The following PTPRD variants were observed in gnomAD, a reference collection of about 807,000 sequenced individuals.
PTPRD encodes protein tyrosine phosphatase receptor type D.
PTPRD carries 34 observed loss-of-function variants against 214.5 expected under a neutral mutation model. The ratio of observed to expected loss-of-function variants is 0.16; its 90% CI spans 0.12 to 0.21. The LOEUF (loss-of-function observed/expected upper bound fraction) is 0.21. PTPRD is among the 10% of genes least tolerant of loss of function. PTPRD has a pLI of 1.00. For missense variants in PTPRD, 2,545 were observed against 2,398.7 expected (o/e 1.06, Z -1.27); for synonymous variants, 1,128 against 845.7 (o/e 1.33, Z -5.79).
chr9:9,216,059 T>C (rs375287554), intron 9 of PTPRD, among the ~76,000 whole-genome samples: 48 of 152,190 alleles, frequency 3.2e-4, no homozygotes, highest in Admixed American at 1.7e-3. Context: ...GCCTGCCTGA[T>C]TGGAATTTTG....
At chr9:9,736,436 T>C (rs1348708485) in intron 6 of PTPRD, among the ~76,000 whole-genome samples, 1 of 152,112 alleles carries the variant, frequency 6.6e-6, no homozygotes, top group Non-Finnish European at 1.5e-5. Flanking sequence ...CAATCCACTA[T>C]TGGCAGATAT....
intron 3 of PTPRD, among the ~76,000 whole-genome samples, chr9:10,323,797 G>C (rs1189701869): frequency 1.3e-5 from 2 of 151,918 alleles, no homozygotes; most frequent in Admixed American, 6.6e-5. Flanking sequence ...ATATTAATAA[G>C]TGTATTATTT....
chr9:10,022,658 G>GA lies in PTPRD; in HGVS notation c.-472+11059dup, dbSNP rs555265156. Among the ~76,000 whole-genome samples, 110 of 152,112 alleles carry GA rather than the reference G, an allele frequency of 7.2e-4. No homozygotes were observed. The Middle Eastern group carries it at 0.01, about 14-fold the overall frequency. On this transcript the variant is annotated intron_variant, in intron 4 of 45. Transcript: ENST00000381196. ...GTGAGTATTTCATTCTAAACTATAG[G>GA]AAAAAAATCATTAAATTAATTTATT...
At chr9:9,644,923 A>G (rs1218141378) in intron 7 of PTPRD, among the ~76,000 whole-genome samples, 1 of 152,200 alleles carries the variant, frequency 6.6e-6, no homozygotes, top group Non-Finnish European at 1.5e-5. Flanking sequence ...AAATCTCTGC[A>G]TCTTTCAAGT....
chr9:8,411,087 T>C (rs1453100328), intron 35 of PTPRD, among the ~76,000 whole-genome samples: 4 of 151,950 alleles, frequency 2.6e-5, no homozygotes, highest in African/African-American at 9.7e-5. Flanking sequence ...AAACCAAAAA[T>C]ACTTAATTCT....
chr9:8,405,052 T>G (rs150079886), intron 35 of PTPRD, among the ~76,000 whole-genome samples: 40 of 152,316 alleles, frequency 2.6e-4, no homozygotes, highest in African/African-American at 8.7e-4. Context: ...CTTTCCTATC[T>G]GGACCTAAGC....
intron 5 of PTPRD, among the ~76,000 whole-genome samples, chr9:9,800,392 T>C (rs1398793199): frequency 1.3e-5 from 2 of 152,132 alleles, no homozygotes; most frequent in Admixed American, 1.3e-4. Flanking sequence ...ATTTAATATT[T>C]CATAAATGTA....
intron 14 of PTPRD, among the ~76,000 whole-genome samples, chr9:8,539,519 A>C (rs2140137509): frequency 6.6e-6 from 1 of 152,044 alleles, no homozygotes; most frequent in East Asian, 1.9e-4. Flanking sequence ...ATAATAATAA[A>C]ATATGTAAAG....
At chr9:8,445,651 G>A (rs79074367) in intron 34 of PTPRD, among the ~76,000 whole-genome samples, 1 of 151,980 alleles carries the variant, frequency 6.6e-6, no homozygotes, top group Non-Finnish European at 1.5e-5. Context: ...TGTTTATCCT[G>A]AATCTAGTCC....
Position 9,387,136 on chromosome 9 carries a change from G to A in PTPRD, c.-203+10313C>T, listed in dbSNP as rs139212798. 5.3e-3 allele frequency among the ~76,000 whole-genome samples: 805 copies of A among 152,290 alleles called. 6 individuals carry two copies. Among genetic ancestry groups the A allele is most frequent in the African/African-American group, 0.018 (752 of 41,556 alleles). On this transcript the variant is annotated intron_variant, in intron 9 of 45. Transcript: ENST00000381196. ...AGGCTTACATTGGAATGAATTTTCTGCAACAGTAAATGGAACACAGTACTT... is the reference window on the plus strand; with the variant it reads ...AGGCTTACATTGGAATGAATTTTCTACAACAGTAAATGGAACACAGTACTT...
chr9:9,362,277 G>T (rs1049375074), intron 9 of PTPRD, among the ~76,000 whole-genome samples: 1 of 151,204 alleles, frequency 6.6e-6, no homozygotes, highest in African/African-American at 2.4e-5. Flanking sequence ...AGAAATAGTA[G>T]CAGATTCTCC....
At chr9:8,513,363 CATATT>C (rs2097719471) in intron 21 of PTPRD, among the ~76,000 whole-genome samples, 1 of 152,054 alleles carries the variant, frequency 6.6e-6, no homozygotes, top group African/African-American at 2.4e-5. Flanking sequence ...CTGTGTGACT[CATATT>C]AGATCAAATC....
At chr9:10,416,193 A>C (rs1056060879) in intron 2 of PTPRD, among the ~76,000 whole-genome samples, 103 of 151,536 alleles carry the variant, frequency 6.8e-4, no homozygotes, top group Admixed American at 6.3e-3. Flanking sequence ...ACTAAAAAAA[A>C]AAAAATTAGA....
intron 8 of PTPRD, among the ~76,000 whole-genome samples, chr9:9,465,434 G>C (rs2094057492): frequency 6.6e-6 from 1 of 152,168 alleles, no homozygotes; most frequent in Non-Finnish European, 1.5e-5. Flanking sequence ...CTGATTGTTT[G>C]AGTCAGAGGA....
chr9:9,602,717 C>G (rs1013156819), intron 7 of PTPRD, among the ~76,000 whole-genome samples: 2 of 151,954 alleles, frequency 1.3e-5, no homozygotes, highest in Non-Finnish European at 2.9e-5. Flanking sequence ...TAGTGTTACT[C>G]TATCTTATTC....
chr9:10,490,129 G>GT (rs1240629130), intron 2 of PTPRD, among the ~76,000 whole-genome samples: 3 of 152,110 alleles, frequency 2.0e-5, no homozygotes, highest in African/African-American at 7.2e-5. Flanking sequence ...AGGCTTAATT[G>GT]TTTAAGTGAT....
rs147448364 is a variant in PTPRD, at chr9:10,557,744, G to C, written c.-600+54654C>G. 1.4e-4 allele frequency among the ~76,000 whole-genome samples: 21 copies of C among 152,214 alleles called. No individual in the cohort carries two copies. The East Asian group carries it at 3.9e-3, about 28-fold the overall frequency. On this transcript the variant is annotated intron_variant, in intron 2 of 45. Coordinates refer to ENST00000381196, the MANE Select transcript of PTPRD (RefSeq NM_002839.4). ...TACCTTAGAAAAACGTAGGCAGCTG[G>C]GATAACTCCTCGGGAAGGGCTAAGG...
rs1221783775 is a variant in PTPRD, at chr9:8,359,094, C to T, written c.4661+16842G>A. On this transcript the variant is annotated intron_variant, in intron 39 of 45. Transcript: ENST00000381196. Reference sequence around the variant, plus strand: ...CTGCACTCCCACCTGGGCCACAGAGCGAGACTCCGTCTCAAAAAAAAAAAA... The same window carrying T: ...CTGCACTCCCACCTGGGCCACAGAGTGAGACTCCGTCTCAAAAAAAAAAAA... Among the ~76,000 whole-genome samples the T allele has an allele frequency of 1.4e-4, 13 of 94,382 alleles. No individual in the cohort carries two copies. In the East Asian group the frequency reaches 1.8e-3, roughly 13 times the overall value. 61.9% of individuals were successfully genotyped at this position (94,382 alleles called of 152,430 possible).
chr9:8,477,454 T>A (rs1289549163), intron 30 of PTPRD, among the ~76,000 whole-genome samples: 1 of 152,192 alleles, frequency 6.6e-6, no homozygotes. Context: ...CAGTTCCCCA[T>A]AATTATATGA....
Sources: gnomAD v4.1 joint callset for allele counts (sites outside exome capture counted in the v4.1 genomes callset) on GRCh38, gnomAD v4.1.1 for gene constraint, MANE v1.5 for transcripts, NCBI Gene and HGNC (gene_info 2026-07-23, HGNC 2026-07-21) for gene names.